Variants in CEP72 observed in about 807,000 individuals in gnomAD.
CEP72 encodes centrosomal protein 72.
CEP72 carries 78 observed loss-of-function variants against 65.7 expected under a neutral mutation model. The ratio of observed to expected loss-of-function variants is 1.19; its 90% CI spans 0.99 to 1.43. CEP72 has a LOEUF of 1.43. Ranked by LOEUF, CEP72 falls within the 40% of genes most tolerant of loss-of-function variation. The probability of loss-of-function intolerance (pLI) is 0.00; values close to 1 mark genes in which losing one functional copy is unlikely to be tolerated. For synonymous variants in CEP72, 358 were observed against 351.7 expected (o/e 1.02, Z -0.20); for missense variants, 914 against 832.9 (o/e 1.10, Z -1.20).
intron 6 of CEP72, among the ~76,000 whole-genome samples, chr5:636,398 A>G (rs1318954414): frequency 6.6e-6 from 1 of 152,142 alleles, no homozygotes; most frequent in African/African-American, 2.4e-5. Context: ...TTTTAAGTGT[A>G]TGGGCCCAGG....
At chr5:644,247 G>T (rs967850145) in intron 9 of CEP72, 52 bp from the exon 10 acceptor site, 30 of 1,591,258 alleles carry the variant, frequency 1.9e-5, no homozygotes, top group Non-Finnish European at 2.2e-5. Flanking sequence ...CTTTCTATAC[G>T]CATTTTACTG....
At chr5:629,568 C>T (rs1441804001) in intron 4 of CEP72, among the ~76,000 whole-genome samples, 1 of 111,010 alleles carries the variant, frequency 9.0e-6, no homozygotes, top group Non-Finnish European at 1.8e-5. Flanking sequence ...CTGTCCAGTG[C>T]CGGGATTTGG....
chr5:612,496 G>GAT (rs1735734231), intron 1 of CEP72, 53 bp downstream of exon 1: 2 of 1,356,596 alleles, frequency 1.5e-6, no homozygotes, highest in South Asian at 3.4e-5. Context: ...GGGGGTGGGT[G>GAT]CCGAGCTTCC....
rs142507956 is a variant in CEP72, at chr5:636,182, A to G, written c.904+598A>G. 9.8e-3 allele frequency among the ~76,000 whole-genome samples: 1,493 copies of G among 152,354 alleles called. 13 individuals carry two copies. Among genetic ancestry groups the G allele is most frequent in the South Asian group, 0.017 (84 of 4,826 alleles). On this transcript the variant is annotated intron_variant, in intron 6 of 11. Transcript: ENST00000264935. ...TTTTAAGTAGTTAAATATTTTTCAC[A>G]TCGTTTGCTTTTACTATGAAATTTC...
At chr5:675,270 A>C in the CEP72 span, among the ~76,000 whole-genome samples, 11 of 74,066 alleles carry the variant, frequency 1.5e-4, no homozygotes, top group African/African-American at 6.4e-4. Context: ...CCGGGGGTGC[A>C]GCCCAGGGGG....
At chr5:638,307 G>A (rs1007509983) in intron 7 of CEP72, among the ~76,000 whole-genome samples, 1 of 152,120 alleles carries the variant, frequency 6.6e-6, no homozygotes, top group African/African-American at 2.4e-5. Flanking sequence ...ATGAGAGACC[G>A]AGTCACTCCA....
At chr5:654,938 A>G (rs1561070323), downstream of CEP72, among the ~76,000 whole-genome samples, 1 of 152,044 alleles carries the variant, frequency 6.6e-6, no homozygotes, top group African/African-American at 2.4e-5. Flanking sequence ...TTGTTCTCTC[A>G]TCCTTTCCTT....
At chr5:649,807 T>G (rs1198251873) in intron 11 of CEP72, among the ~76,000 whole-genome samples, 1 of 49,358 alleles carries the variant, frequency 2.0e-5, no homozygotes, top group African/African-American at 9.4e-5. Context: ...GACTGTGAGG[T>G]GTGACTGTGA....
At chr5:658,231 G>T (rs1386204512), downstream of CEP72, among the ~76,000 whole-genome samples, 6 of 152,246 alleles carry the variant, frequency 3.9e-5, no homozygotes. Flanking sequence ...TGGAGCTGAG[G>T]ACACACTCAT....
chr5:654,821 C>T (rs1390100939), downstream of CEP72, among the ~76,000 whole-genome samples: 7 of 122,954 alleles, frequency 5.7e-5, no homozygotes, highest in Middle Eastern at 0.016. Flanking sequence ...TCTTGTCTGA[C>T]CCCGTCTCTC....
downstream of CEP72, among the ~76,000 whole-genome samples, chr5:669,625 G>A (rs191213010): frequency 9.2e-5 from 14 of 152,260 alleles, no homozygotes; most frequent in Middle Eastern, 3.4e-3. Context: ...TGACGGCCTC[G>A]GAGCCAGGCA....
At chr5:640,875 G>T in intron 9 of CEP72, 1 of 985,456 alleles carries the variant, frequency 1.0e-6, no homozygotes, top group Non-Finnish European at 1.2e-6. Flanking sequence ...GCAGTGCCGG[G>T]TGCTGCAGGA....
chr5:662,481 C>G (rs1026514422), intron 1 of CEP72: 35 of 152,576 alleles, frequency 2.3e-4, no homozygotes, highest in African/African-American at 7.9e-4. Context: ...TCTGTGCCTG[C>G]CGTGCGGTGT....
intron 5 of CEP72, among the ~76,000 whole-genome samples, chr5:634,804 G>T (rs1397277268): frequency 6.6e-6 from 1 of 152,190 alleles, no homozygotes; most frequent in African/African-American, 2.4e-5. Context: ...CCCTTCTGTG[G>T]CTGGCCTTTT....
chr5:663,245 GT>G (rs1259946568), intron 1 of CEP72: 4 of 152,266 alleles, frequency 2.6e-5, no homozygotes, highest in Non-Finnish European at 4.4e-5. Context: ...ATTCAGAGTT[GT>G]TTTCAAATGT....
rs757531846 is a variant in CEP72 at position 665,262 on chromosome 5, G to A, written n.370G>A. 8.1e-6 allele frequency: 13 copies of A among 1,613,530 alleles called. No individual in the cohort carries two copies. The highest frequency in any genetic ancestry group is 1.3e-5 in the African/African-American group (1 of 74,882). On this transcript the variant is annotated non_coding_transcript_exon_variant, in exon 3 of 5. Transcript: ENST00000514507. ...GGAGCCCGTGAACTTGGTGGTGTCC[G>A]TGAGCCTCGACACTGTGGGCGACGA...
Position 639,085 on chromosome 5 carries a change from A to G in CEP72, c.1207-4A>G. Reference sequence around the variant, plus strand: ...CTGGCCTCATGCTGTTGTTTCCATCACAGCCGTCTCCCGGGTCACACTCGG... The same window carrying G: ...CTGGCCTCATGCTGTTGTTTCCATCGCAGCCGTCTCCCGGGTCACACTCGG... On this transcript the variant is annotated splice_region_variant and splice_polypyrimidine_tract_variant and intron_variant, in intron 7 of 11. Transcript: ENST00000264935. 1 of 1,613,236 alleles carries G rather than the reference A, an allele frequency of 6.2e-7. No homozygotes were observed. The highest frequency in any genetic ancestry group is 2.2e-5 in the East Asian group (1 of 44,866).
Position 634,057 on chromosome 5 carries a change from A to C in CEP72, c.691+110A>C, listed in dbSNP as rs973366024. 3.2e-6 allele frequency: 3 copies of C among 946,406 alleles called. No homozygotes were observed. The East Asian group carries it at 7.6e-5, about 24-fold the overall frequency. 58.6% of individuals were successfully genotyped at this position (946,406 alleles called of 1,614,324 possible). A position where few individuals can be genotyped will look rare whatever the true frequency, so the allele number is the denominator to read the frequency against. On this transcript the variant is annotated intron_variant, in intron 5 of 11. Transcript: ENST00000264935. ...GCTCTTTTTGTGGAACTTACCTTGA[A>C]GGATAGGATCTTCATGATGTGTCTT...
chr5:674,195 C>A, the CEP72 span, among the ~76,000 whole-genome samples: 1 of 152,214 alleles, frequency 6.6e-6, no homozygotes, highest in Non-Finnish European at 1.5e-5. Flanking sequence ...TCCTGTGTAT[C>A]CTGGAACACA....
Sources: allele counts gnomAD v4.1 joint callset (sites outside exome capture counted in the v4.1 genomes callset), GRCh38; gene constraint gnomAD v4.1.1; transcripts MANE v1.5; gene names NCBI Gene and HGNC (gene_info 2026-07-23, HGNC 2026-07-21).